DCAF6: variants seen among roughly 807,000 people sequenced by gnomAD.
DCAF6 encodes DDB1 and CUL4 associated factor 6.
Under a neutral mutation model 125.1 loss-of-function variants are expected in DCAF6, and 54 were observed. That is an observed-to-expected ratio of 0.43 (90% CI 0.35 to 0.54). The LOEUF is 0.54. Among genes scored for constraint, DCAF6 ranks in the 20% least tolerant of loss-of-function variants. The pLI, the probability that DCAF6 is intolerant of heterozygous loss-of-function variation, is 0.01. For synonymous variants in DCAF6, 371 were observed against 390.4 expected, an observed-to-expected ratio of 0.95 and a Z score of 0.58; for missense variants, 934 against 1,161.7, an observed-to-expected ratio of 0.80 and a Z score of 2.85.
the DCAF6 span, among the ~76,000 whole-genome samples, chr1:167,888,809 G>GAGCGTGCAGTGAGCCGA: frequency 0.47 from 69,470 of 147,830 alleles, 16,740 homozygotes; most frequent in Middle Eastern, 0.62. Flanking sequence ...CCGGGAGGCG[G>GAGCGTGCAGTGAGCCGA]AGCGTGCAGT....
chr1:167,924,515 C>T, the DCAF6 span: 2 of 1,579,740 alleles, frequency 1.3e-6, no homozygotes, highest in African/African-American at 1.4e-5. Flanking sequence ...TAATTGGAGC[C>T]CAGAAGAAAA....
intron 16 of DCAF6, among the ~76,000 whole-genome samples, chr1:168,050,064 C>G (rs1558030608): frequency 9.8e-6 from 1 of 102,460 alleles, no homozygotes; most frequent in Non-Finnish European, 1.8e-5. Flanking sequence ...AAATTACTCT[C>G]TGAAAAAAAA....
the DCAF6 span, among the ~76,000 whole-genome samples, chr1:167,896,976 T>C: frequency 6.6e-6 from 1 of 152,102 alleles, no homozygotes; most frequent in African/African-American, 2.4e-5. Context: ...TTTTTCCTGC[T>C]TTTTTTCCTT....
At chr1:168,009,426 CTG>C (rs1275291325) in intron 10 of DCAF6, among the ~76,000 whole-genome samples, 2 of 128,512 alleles carry the variant, frequency 1.6e-5, no homozygotes, top group Admixed American at 8.6e-5. Flanking sequence ...TTGTTTCTTT[CTG>C]TCTCTCTCTC....
chr1:167,911,815 G>A, the DCAF6 span, among the ~76,000 whole-genome samples: 2 of 152,188 alleles, frequency 1.3e-5, no homozygotes, highest in African/African-American at 2.4e-5. Flanking sequence ...TGAATTAGAT[G>A]ATTGTTAAGA....
chr1:168,068,748 T>C (rs1297422400), intron 21 of DCAF6, among the ~76,000 whole-genome samples: 2 of 152,160 alleles, frequency 1.3e-5, no homozygotes, highest in African/African-American at 4.8e-5. Context: ...TATATTATCG[T>C]GCATATTCTT....
chr1:167,996,114 A>G (rs1269286196), intron 7 of DCAF6, among the ~76,000 whole-genome samples: 1 of 152,098 alleles, frequency 6.6e-6, no homozygotes, highest in Non-Finnish European at 1.5e-5. Context: ...ATGTTTCCAT[A>G]ATATTTTTGT....
At chr1:167,912,574 T>A in the DCAF6 span, among the ~76,000 whole-genome samples, 4 of 152,370 alleles carry the variant, frequency 2.6e-5, no homozygotes, top group South Asian at 8.3e-4. Context: ...CTCCAGCGTC[T>A]GTAATATATA....
At chr1:167,994,097 G>A (rs1044110402) in intron 7 of DCAF6, among the ~76,000 whole-genome samples, 3 of 151,744 alleles carry the variant, frequency 2.0e-5, no homozygotes, top group East Asian at 1.9e-4. Context: ...ATAATTACTA[G>A]CGTCTATTCT....
chr1:167,928,053 TA>T, the DCAF6 span, among the ~76,000 whole-genome samples: 2 of 151,048 alleles, frequency 1.3e-5, no homozygotes, highest in South Asian at 2.1e-4. Flanking sequence ...TCTTAACTGT[TA>T]AAAAAAAAGG....
At chr1:167,916,793 C>T in the DCAF6 span, 1 of 152,136 alleles carries the variant, frequency 6.6e-6, no homozygotes, top group Admixed American at 6.5e-5. Flanking sequence ...TTCCTAAATG[C>T]TTAACCTAGG....
the DCAF6 span, among the ~76,000 whole-genome samples, chr1:167,872,950 A>G: frequency 6.6e-6 from 1 of 151,712 alleles, no homozygotes; most frequent in African/African-American, 2.4e-5. Context: ...TGCACCTGTA[A>G]TCCCAGCTAC....
the DCAF6 span, chr1:167,896,577 T>C: frequency 3.8e-6 from 6 of 1,589,046 alleles, no homozygotes; most frequent in Admixed American, 5.0e-5. Context: ...AAGGCATTTT[T>C]CCATGGTGGG....
chr1:167,905,290 G>A, the DCAF6 span: 29 of 993,566 alleles, frequency 2.9e-5, no homozygotes, highest in Middle Eastern at 9.2e-4. Flanking sequence ...CTAACCTGCG[G>A]CCTGCTTATA....
intron 2 of DCAF6, among the ~76,000 whole-genome samples, chr1:167,952,885 CT>C (rs1674189096): frequency 6.6e-6 from 1 of 152,130 alleles, no homozygotes; most frequent in African/African-American, 2.4e-5. Flanking sequence ...TTCAAATGTA[CT>C]TTTCATGTAC....
At chr1:167,938,880 TTGGG>T (rs769524141) in intron 1 of DCAF6, among the ~76,000 whole-genome samples, 21 of 152,316 alleles carry the variant, frequency 1.4e-4, no homozygotes, top group Admixed American at 2.6e-4. Flanking sequence ...AATTTGTGTA[TTGGG>T]TCTAGGGGAA....
intron 17 of DCAF6, among the ~76,000 whole-genome samples, chr1:168,062,998 G>A (rs1482412454): frequency 3.3e-5 from 5 of 149,490 alleles, no homozygotes; most frequent in Non-Finnish European, 5.9e-5. Context: ...TGCAAGCTCC[G>A]CCTCCCGGGT....
rs1571810900 is a variant in DCAF6 at position 167,985,946 on chromosome 1, A to G, written c.439-1549A>G. Among the ~76,000 whole-genome samples the G allele has an allele frequency of 2.0e-5, 3 of 152,068 alleles. No individual in the cohort carries two copies. The East Asian group carries it at 5.8e-4, about 29-fold the overall frequency. ...ACAGGTTAGTTTGGGCCTTTTTACG[A>G]TTTTATAAAAATGGGAATCATACTG... On this transcript the variant is annotated intron_variant, in intron 4 of 21. Transcript: ENST00000367840.
At chr1:167,953,139 A>G (rs1674239830) in intron 2 of DCAF6, among the ~76,000 whole-genome samples, 1 of 152,098 alleles carries the variant, frequency 6.6e-6, no homozygotes, top group African/African-American at 2.4e-5. Flanking sequence ...TATAGTCCAT[A>G]TTTTCTTTGT....
Sources: gnomAD v4.1 joint callset for allele counts (sites outside exome capture counted in the v4.1 genomes callset) on GRCh38, gnomAD v4.1.1 for gene constraint, MANE v1.5 for transcripts, NCBI Gene and HGNC (gene_info 2026-07-23, HGNC 2026-07-21) for gene names.